CLIP1: variants seen among roughly 807,000 people sequenced by gnomAD.
CLIP1 encodes CAP-Gly domain-containing linker protein 1.
A neutral mutation model predicts 161.6 loss-of-function variants in CLIP1; 66 were observed. The ratio of observed to expected loss-of-function variants is 0.41; its 90% CI spans 0.33 to 0.50. The LOEUF (loss-of-function observed/expected upper bound fraction) is 0.50, where lower values mean the gene tolerates loss of function less well. Ranked by LOEUF, CLIP1 falls within the 20% of genes least tolerant of loss-of-function variation. The pLI is 0.27. For synonymous variants in CLIP1, 598 were observed against 626.2 expected, an observed-to-expected ratio of 0.96 and a Z score of 0.67; for missense variants, 1,376 against 1,702.0, an observed-to-expected ratio of 0.81 and a Z score of 3.37.
intron 1 of CLIP1, among the ~76,000 whole-genome samples, chr12:122,411,555 T>C (rs1411041097): frequency 6.6e-6 from 1 of 152,106 alleles, no homozygotes; most frequent in Admixed American, 6.6e-5. Context: ...CAACAGAATA[T>C]TACTCAACCA....
chr12:122,377,251 A>AC, intron 3 of CLIP1, 138 bp downstream of exon 3: 1 of 714,676 alleles, frequency 1.4e-6, no homozygotes, highest in South Asian at 1.8e-5. Context: ...CTCGTGATCC[A>AC]CCCGCCTCAG....
chr12:122,378,813 G>A (rs1196025011), intron 2 of CLIP1, among the ~76,000 whole-genome samples: 2 of 152,070 alleles, frequency 1.3e-5, no homozygotes, highest in Non-Finnish European at 2.9e-5. Flanking sequence ...CAGTCAACAT[G>A]ATGAAACCCC....
chr12:122,369,576 C>G lies in CLIP1; in HGVS notation c.658-5469G>C, dbSNP rs76698240. On this transcript the variant is annotated intron_variant, in intron 3 of 25. Transcript: ENST00000620786. Reference sequence around the variant, plus strand: ...GTTGTGGGTGTGACAGTGAATGAGACAGAAAGTTTCCGTGCTTTCATGGAG... The same window carrying G: ...GTTGTGGGTGTGACAGTGAATGAGAGAGAAAGTTTCCGTGCTTTCATGGAG... Among the ~76,000 whole-genome samples, 497 of 151,812 alleles carry G rather than the reference C, an allele frequency of 3.3e-3. 4 individuals carry two copies. The highest frequency in any genetic ancestry group is 0.011 in the African/African-American group (475 of 41,362).
At chr12:122,383,110 G>C (rs1408883760) in intron 1 of CLIP1, among the ~76,000 whole-genome samples, 2 of 152,308 alleles carry the variant, frequency 1.3e-5, no homozygotes, top group East Asian at 3.9e-4. Context: ...ATGCAAACAG[G>C]CTAAGTGTAG....
chr12:122,394,396 C>T (rs935867941), intron 1 of CLIP1, among the ~76,000 whole-genome samples: 10 of 141,698 alleles, frequency 7.1e-5, no homozygotes, highest in African/African-American at 1.3e-4. Context: ...GGCTCAGGCA[C>T]GAGAATCGTT....
intron 24 of CLIP1, 95 bp from the exon 25 acceptor site, chr12:122,274,257 G>T: frequency 1.9e-6 from 2 of 1,063,984 alleles, no homozygotes; most frequent in Non-Finnish European, 2.8e-6. Context: ...AGCTCTGGCG[G>T]CAAAGTGTGC....
At chr12:122,299,044 CAG>C (rs543944572) in intron 20 of CLIP1, among the ~76,000 whole-genome samples, 317 of 152,316 alleles carry the variant, frequency 2.1e-3, no homozygotes, top group African/African-American at 7.0e-3. Flanking sequence ...TAGTTCTTCA[CAG>C]AGAGTGCACG....
At chr12:122,351,701 T>C (rs1399727847) in intron 8 of CLIP1, among the ~76,000 whole-genome samples, 1 of 152,208 alleles carries the variant, frequency 6.6e-6, no homozygotes, top group Non-Finnish European at 1.5e-5. Flanking sequence ...ATATTGTAGA[T>C]TAAAGAACTA....
At chr12:122,362,639 CAAAAAAAAAAAAAAA>C (rs56183812) in intron 4 of CLIP1, among the ~76,000 whole-genome samples, 19 of 19,130 alleles carry the variant, frequency 9.9e-4, no homozygotes, top group African/African-American at 4.7e-3. Flanking sequence ...GACTCCATCT[CAAAAAAAAAAAAAAA>C]AAAAAAAAAA....
chr12:122,399,073 T>C (rs529599767), intron 1 of CLIP1, among the ~76,000 whole-genome samples: 2 of 152,230 alleles, frequency 1.3e-5, no homozygotes, highest in East Asian at 3.9e-4. Flanking sequence ...TATTCTCATC[T>C]GATTTCTTAA....
At chr12:122,298,984 G>A (rs1950574084) in intron 20 of CLIP1, among the ~76,000 whole-genome samples, 2 of 152,162 alleles carry the variant, frequency 1.3e-5, no homozygotes, top group African/African-American at 4.8e-5. Flanking sequence ...TATCAATGGT[G>A]TGGCTACAGG....
chr12:122,319,134 C>T (rs899082341), intron 18 of CLIP1, 98 bp downstream of exon 18: 19 of 807,308 alleles, frequency 2.4e-5, no homozygotes, highest in Non-Finnish European at 3.9e-5. Flanking sequence ...TGTAAAGTCA[C>T]ACACTTCAAA....
At chr12:122,337,169 T>C (rs1474827972) in intron 11 of CLIP1, among the ~76,000 whole-genome samples, 1 of 151,910 alleles carries the variant, frequency 6.6e-6, no homozygotes, top group African/African-American at 2.4e-5. Flanking sequence ...GGTCTCTGGC[T>C]GGGCTCGGTG....
At position 122,271,926 on chromosome 12, in the gene CLIP1, G is replaced by T. The variant is rs1955198743; in HGVS notation, c.*949C>A. The T allele has an allele frequency of 6.6e-6, 1 of 152,156 alleles. No homozygotes were observed. 9.4% of individuals were successfully genotyped at this position (152,156 alleles called of 1,614,324 possible). A position where few individuals can be genotyped will look rare whatever the true frequency, so the allele number is the denominator to read the frequency against. On this transcript the variant is annotated 3_prime_UTR_variant, in exon 26 of 26. Transcript: ENST00000620786. Reference sequence around the variant, plus strand: ...TGTTAATTGACTGCTGGGGATACCTGCCAGAGAAGGAAAAAAAAATTGGAG... The same window carrying T: ...TGTTAATTGACTGCTGGGGATACCTTCCAGAGAAGGAAAAAAAAATTGGAG...
intron 18 of CLIP1, among the ~76,000 whole-genome samples, chr12:122,318,618 T>C (rs894848495): frequency 1.3e-5 from 2 of 152,196 alleles, no homozygotes; most frequent in Non-Finnish European, 2.9e-5. Context: ...ATAACCATTT[T>C]GGTGCCTCAG....
At chr12:122,337,319 G>A (rs754035047) in intron 11 of CLIP1, among the ~76,000 whole-genome samples, 12 of 151,704 alleles carry the variant, frequency 7.9e-5, no homozygotes, top group South Asian at 2.1e-4. Context: ...ATGGTGGCAC[G>A]CTCCTGTAAT....
chr12:122,327,170 G>A (rs1021903432), intron 17 of CLIP1, among the ~76,000 whole-genome samples: 3 of 152,130 alleles, frequency 2.0e-5, no homozygotes, highest in Admixed American at 2.0e-4. Flanking sequence ...GGCAGGCCAG[G>A]CATGGTGGCT....
intron 5 of CLIP1, among the ~76,000 whole-genome samples, chr12:122,356,983 C>G (rs1402252172): frequency 2.6e-5 from 4 of 152,300 alleles, no homozygotes; most frequent in South Asian, 4.1e-4. Context: ...GATCTCGGCT[C>G]GCTACAACCT....
In CLIP1 at chr12:122,341,485, C is replaced by T. The variant is rs376023341; in HGVS notation, c.1719G>A (p.Leu573=). ...RTDHQREITS[L]KEHFGAREET... ...CTTCCCGGGCTCCAAAATGCTCCTT[C>T]AGAGAAGTTATTTCTCTCTGGTGGT... Residue 573 remains leucine (L), a synonymous_variant, in exon 11 of 26, where the codon CTG becomes CTA. Coordinates refer to ENST00000620786, the MANE Select transcript of CLIP1 (RefSeq NM_001247997.2). 6.7e-5 allele frequency: 108 copies of T among 1,613,712 alleles called. No individual in the cohort carries two copies. The African/African-American group carries it at 1.2e-3, about 18-fold the overall frequency.
Sources: allele counts gnomAD v4.1 joint callset (sites outside exome capture counted in the v4.1 genomes callset), GRCh38; gene constraint gnomAD v4.1.1; transcripts MANE v1.5; gene names NCBI Gene and HGNC (gene_info 2026-07-23, HGNC 2026-07-21).